Variants in RIC3 observed in about 807,000 individuals in gnomAD.
The protein encoded by RIC3 is protein RIC-3.
RIC3 carries 28 observed loss-of-function variants against 27.3 expected under a neutral mutation model. The observed-to-expected ratio is 1.02, with a 90% CI of 0.76 to 1.41. The LOEUF is 1.41. Ranked by LOEUF, RIC3 falls within the 40% of genes most tolerant of loss-of-function variation. The pLI is 0.00. For synonymous variants in RIC3, 184 were observed against 160.4 expected, an observed-to-expected ratio of 1.15 and a Z score of -1.11; for missense variants, 501 against 444.7, an observed-to-expected ratio of 1.13 and a Z score of -1.14.
At position 8,107,450 on chromosome 11, in the gene RIC3, A is replaced by C. The variant is rs1944788670; in HGVS notation, c.*3248T>G. 6.6e-6 allele frequency: 1 copy of C among 152,198 alleles called. No individual in the cohort carries two copies. The highest frequency in any genetic ancestry group is 1.5e-5 in the Non-Finnish European group (1 of 68,030). 9.4% of individuals were successfully genotyped at this position (152,198 alleles called of 1,614,324 possible). ...TTAGTCATCAGGTTCAAAAATCTTA[A>C]ATGGCTATAGACAGGGGTGACCCTA... On this transcript the variant is annotated 3_prime_UTR_variant, in exon 6 of 6. Transcript: ENST00000309737.
chr11:8,161,027 T>C (rs1951115307), intron 1 of RIC3, among the ~76,000 whole-genome samples: 1 of 152,132 alleles, frequency 6.6e-6, no homozygotes, highest in Admixed American at 6.5e-5. Context: ...AAAGATGATT[T>C]TGAGGGCTTC....
chr11:8,161,242 A>G (rs911108758), intron 1 of RIC3, among the ~76,000 whole-genome samples: 2 of 152,234 alleles, frequency 1.3e-5, no homozygotes, highest in Non-Finnish European at 2.9e-5. Flanking sequence ...CCTGCTTAGG[A>G]ACAAAAGGAA....
intron 5 of RIC3, among the ~76,000 whole-genome samples, chr11:8,114,025 C>A (rs1457297568): frequency 6.6e-6 from 1 of 152,158 alleles, no homozygotes; most frequent in Non-Finnish European, 1.5e-5. Context: ...TGGATCCAGG[C>A]TTCAACCCCA....
intron 2 of RIC3, 66 bp downstream of exon 2, chr11:8,139,901 G>C (rs758395927): frequency 4.0e-5 from 55 of 1,390,954 alleles, no homozygotes; most frequent in Non-Finnish European, 5.3e-5. Flanking sequence ...TTTTAATGTA[G>C]ACAATGATTT....
chr11:8,147,785 T>C (rs1949851872), intron 1 of RIC3, among the ~76,000 whole-genome samples: 1 of 148,322 alleles, frequency 6.7e-6, no homozygotes, highest in Non-Finnish European at 1.5e-5. Flanking sequence ...TGGAGTGCAG[T>C]GGCGCGATCT....
chr11:8,147,390 C>T (rs375292626), intron 1 of RIC3, among the ~76,000 whole-genome samples: 133 of 152,020 alleles, frequency 8.7e-4, no homozygotes, highest in Middle Eastern at 6.8e-3. Flanking sequence ...TTTGGGTGTT[C>T]ACACTTATCA....
the RIC3 span, chr11:8,096,594 A>G: frequency 9.4e-5 from 80 of 847,866 alleles, no homozygotes; most frequent in Non-Finnish European, 1.5e-4. Flanking sequence ...CAGGTGAGTC[A>G]GTGTCTGAAC....
At chr11:8,095,773 A>G in the RIC3 span, 70 of 1,238,694 alleles carry the variant, frequency 5.7e-5, no homozygotes, top group African/African-American at 8.1e-4. Flanking sequence ...CTCCCTGGCA[A>G]TGGTGGGTGA....
downstream of RIC3, chr11:8,104,126 C>G (rs960026526): frequency 6.6e-6 from 1 of 152,298 alleles, no homozygotes; most frequent in African/African-American, 2.4e-5. Flanking sequence ...GCTAGGGCCC[C>G]TAGAAACCAC....
chr11:8,115,543 A>G (rs1590083045), intron 5 of RIC3, among the ~76,000 whole-genome samples: 1 of 152,180 alleles, frequency 6.6e-6, no homozygotes, highest in Non-Finnish European at 1.5e-5. Flanking sequence ...TGCGGTGGCT[A>G]ACGCCTGTAA....
chr11:8,113,215 T>G (rs552333246), intron 5 of RIC3, among the ~76,000 whole-genome samples: 18 of 152,324 alleles, frequency 1.2e-4, no homozygotes, highest in Non-Finnish European at 2.4e-4. Flanking sequence ...ACTGAATGCT[T>G]AAAAGAAGTC....
intron 3 of RIC3, among the ~76,000 whole-genome samples, 163 bp from the exon 4 acceptor site, chr11:8,137,634 T>A (rs1948578945): frequency 6.6e-6 from 1 of 152,206 alleles, no homozygotes; most frequent in Non-Finnish European, 1.5e-5. Context: ...ATTTAAGATT[T>A]CCAAAAAGGA....
At chr11:8,101,458 CTCTG>C (rs66906803), downstream of RIC3, 326,838 of 1,613,630 alleles carry the variant, frequency 0.2, 34,293 homozygotes, top group East Asian at 0.3. Context: ...CTGTCCTTTT[CTCTG>C]TCTGTGCCTG....
chr11:8,126,610 C>A, intron 5 of RIC3, 49 bp downstream of exon 5: 1 of 1,601,284 alleles, frequency 6.2e-7, no homozygotes, highest in Non-Finnish European at 8.5e-7. Context: ...TCTGTAACAT[C>A]TCTTTTCTGG....
intron 4 of RIC3, among the ~76,000 whole-genome samples, chr11:8,129,812 C>T (rs1947470626): frequency 1.3e-5 from 2 of 152,198 alleles, no homozygotes. Flanking sequence ...CACCTTTCTC[C>T]ATGGAGATTT....
rs117736552 is a variant in RIC3, at chr11:8,140,438, C to A, written c.125-245G>T. Among the ~76,000 whole-genome samples the A allele has an allele frequency of 1.9e-4, 29 of 152,248 alleles. No homozygotes were observed. In the East Asian group the frequency reaches 5.4e-3, roughly 28 times the overall value. On this transcript the variant is annotated intron_variant, in intron 1 of 5. Transcript: ENST00000309737. Reference sequence around the variant, plus strand: ...TAGCTGGACCACATTTTTCAGACTCCCATACAGTTAAATGTGGCCATATAA... The same window carrying A: ...TAGCTGGACCACATTTTTCAGACTCACATACAGTTAAATGTGGCCATATAA...
chr11:8,146,058 G>T (rs72849324), intron 1 of RIC3, among the ~76,000 whole-genome samples: 1 of 152,132 alleles, frequency 6.6e-6, no homozygotes, highest in Non-Finnish European at 1.5e-5. Context: ...CTCAAATAAG[G>T]TTATATATAT....
At chr11:8,101,413 T>C (rs1944296941), downstream of RIC3, 1 of 1,582,782 alleles carries the variant, frequency 6.3e-7, no homozygotes, top group Non-Finnish European at 8.7e-7. Context: ...GGTTTGGGTG[T>C]CTGTCTATCC....
At chr11:8,153,399 T>G (rs1379715826) in intron 1 of RIC3, 2 of 452,874 alleles carry the variant, frequency 4.4e-6, no homozygotes, top group Non-Finnish European at 8.8e-6. Flanking sequence ...CCAATGGCTT[T>G]TTGTCAGTTC....
Sources: gnomAD v4.1 joint callset for allele counts (sites outside exome capture counted in the v4.1 genomes callset) on GRCh38, gnomAD v4.1.1 for gene constraint, MANE v1.5 for transcripts, NCBI Gene and HGNC (gene_info 2026-07-23, HGNC 2026-07-21) for gene names.